The following USP12 variants were observed in gnomAD, a reference collection of about 807,000 sequenced individuals.
USP12 encodes ubiquitin specific peptidase 12.
A neutral mutation model predicts 45.5 loss-of-function variants in USP12; 19 were observed. The observed-to-expected ratio is 0.42, with a 90% CI of 0.29 to 0.61. USP12 has a LOEUF of 0.61. Among genes scored for constraint, USP12 ranks in the 20% least tolerant of loss-of-function variants. The pLI, the probability that USP12 is intolerant of heterozygous loss-of-function variation, is 0.22. For missense variants in USP12, 242 were observed against 447.7 expected (o/e 0.54, Z 4.15); for synonymous variants, 149 against 148.8 (o/e 1.00, Z -0.01).
At chr13:27,080,676 A>G (rs1279511477) in intron 6 of USP12, among the ~76,000 whole-genome samples, 2 of 152,210 alleles carry the variant, frequency 1.3e-5, no homozygotes, top group Admixed American at 6.5e-5. Context: ...AAATACAGGC[A>G]TATCTTGGAC....
At chr13:27,098,169 T>G (rs765348236) in intron 3 of USP12, among the ~76,000 whole-genome samples, 3 of 152,150 alleles carry the variant, frequency 2.0e-5, no homozygotes, top group African/African-American at 4.8e-5. Context: ...AAGTTTCAGA[T>G]TTCTGGATTA....
At chr13:27,130,561 CAAAA>C (rs5802413) in intron 1 of USP12, among the ~76,000 whole-genome samples, 1 of 124,786 alleles carries the variant, frequency 8.0e-6, no homozygotes, top group East Asian at 2.3e-4. Flanking sequence ...CAAAACATGC[CAAAA>C]AAAAAAAAAA....
At chr13:27,132,239 T>G (rs1004591594) in intron 1 of USP12, among the ~76,000 whole-genome samples, 15 of 152,182 alleles carry the variant, frequency 9.9e-5, no homozygotes. Context: ...CAAAAAGCAA[T>G]TAACTAGAAA....
At chr13:27,161,374 G>A (rs1177530501) in intron 1 of USP12, among the ~76,000 whole-genome samples, 1 of 152,088 alleles carries the variant, frequency 6.6e-6, no homozygotes, top group Non-Finnish European at 1.5e-5. Context: ...CAAAAGCCTT[G>A]TATTTTATTG....
At chr13:27,088,145 G>T (rs1423903286) in intron 6 of USP12, among the ~76,000 whole-genome samples, 3 of 152,334 alleles carry the variant, frequency 2.0e-5, no homozygotes, top group African/African-American at 7.2e-5. Context: ...TTGCGGCCGG[G>T]CGCAGTGGCT....
intron 1 of USP12, among the ~76,000 whole-genome samples, chr13:27,164,679 G>T (rs1468316797): frequency 1.3e-5 from 2 of 152,220 alleles, no homozygotes; most frequent in South Asian, 4.1e-4. Flanking sequence ...AATGTTATAT[G>T]TAAGTTTTTC....
chr13:27,069,861 C>T (rs558930084), intron 8 of USP12, among the ~76,000 whole-genome samples: 4 of 152,144 alleles, frequency 2.6e-5, no homozygotes, highest in Admixed American at 6.6e-5. Flanking sequence ...GCAGGAGAAT[C>T]GCTTGAACCC....
chr13:27,070,431 T>C (rs748987079), intron 8 of USP12, among the ~76,000 whole-genome samples: 4 of 152,060 alleles, frequency 2.6e-5, no homozygotes, highest in Non-Finnish European at 5.9e-5. Flanking sequence ...GTGTGTGACA[T>C]GGGGGGACAC....
intron 1 of USP12, among the ~76,000 whole-genome samples, chr13:27,160,069 C>T (rs1232292152): frequency 1.3e-5 from 2 of 152,018 alleles, no homozygotes; most frequent in African/African-American, 2.4e-5. Flanking sequence ...CTTTAAAGAA[C>T]GAAAATACCA....
intron 6 of USP12, among the ~76,000 whole-genome samples, chr13:27,086,157 G>A (rs1261509511): frequency 1.7e-5 from 2 of 120,830 alleles, no homozygotes; most frequent in Non-Finnish European, 3.3e-5. Flanking sequence ...GTGACAGAGA[G>A]AGATCTTTTG....
intron 3 of USP12, among the ~76,000 whole-genome samples, chr13:27,104,275 C>A (rs886249206): frequency 6.6e-6 from 1 of 152,184 alleles, no homozygotes; most frequent in African/African-American, 2.4e-5. Flanking sequence ...AAGCAGTCCA[C>A]CTACCTTGGC....
Position 27,089,919 on chromosome 13 carries a change from C to CAGTA in USP12, c.694_697dup (p.Cys233LeufsTer3). ...TTCCTGTTTGCTGCGACACTCTTCA[C>CAGTA]AGTAATACTTGTATTCACTGCACAG... On this transcript the variant is annotated frameshift_variant, in exon 6 of 9. Coordinates refer to ENST00000282344, the MANE Select transcript of USP12 (RefSeq NM_182488.4). LOFTEE classifies it high-confidence loss of function. 1 of 1,611,288 alleles carries CAGTA rather than the reference C, an allele frequency of 6.2e-7. No individual in the cohort carries two copies. The highest frequency in any genetic ancestry group is 8.5e-7 in the Non-Finnish European group (1 of 1,178,894).
At chr13:27,086,892 A>G (rs146877415) in intron 6 of USP12, among the ~76,000 whole-genome samples, 1,806 of 152,346 alleles carry the variant, frequency 0.012, 23 homozygotes, top group South Asian at 0.018. Context: ...AGAAACAGTG[A>G]GTAATCTGTT....
At chr13:27,138,150 A>G (rs1876892865) in intron 1 of USP12, among the ~76,000 whole-genome samples, 2 of 152,222 alleles carry the variant, frequency 1.3e-5, no homozygotes, top group South Asian at 2.1e-4. Flanking sequence ...GTTATATAAC[A>G]TGAGTTCACT....
At chr13:27,095,177 G>A (rs947464429) in intron 4 of USP12, among the ~76,000 whole-genome samples, 5 of 152,070 alleles carry the variant, frequency 3.3e-5, no homozygotes, top group African/African-American at 4.8e-5. Context: ...TCCAGCAAGT[G>A]GGATTTTTTC....
intron 3 of USP12, among the ~76,000 whole-genome samples, chr13:27,102,011 T>TG (rs1555234355): frequency 0.054 from 8,161 of 151,724 alleles, 600 homozygotes; most frequent in African/African-American, 0.16. Context: ...TCCCATTTTT[T>TG]AATGAATGAA....
chr13:27,094,677 G>T (rs1324916994), intron 4 of USP12, among the ~76,000 whole-genome samples: 1 of 151,536 alleles, frequency 6.6e-6, no homozygotes. Context: ...ATCTAGTTAG[G>T]AAGAAACATC....
In USP12 at chr13:27,090,076, A is replaced by G. The variant is rs974986379; in HGVS notation, c.650+6T>C. ...TAAATTTCAAACTAAATAATTCTAC[A>G]TATACCTTAAGCAGTGAGTAATTGA... On this transcript the variant is annotated splice_donor_region_variant and intron_variant, in intron 5 of 8. Transcript: ENST00000282344. 3 of 1,586,572 alleles carry G rather than the reference A, an allele frequency of 1.9e-6. No individual in the cohort carries two copies. The highest frequency in any genetic ancestry group is 2.7e-5 in the African/African-American group (2 of 74,448).
At chr13:27,107,051 G>A (rs936841870) in intron 2 of USP12, among the ~76,000 whole-genome samples, 6 of 152,228 alleles carry the variant, frequency 3.9e-5, no homozygotes, top group South Asian at 2.1e-4. Flanking sequence ...CTGGCCAGAC[G>A]CAGTGGCTCA....
Sources: allele counts gnomAD v4.1 joint callset (sites outside exome capture counted in the v4.1 genomes callset), GRCh38; gene constraint gnomAD v4.1.1; transcripts MANE v1.5; gene names NCBI Gene and HGNC (gene_info 2026-07-23, HGNC 2026-07-21).